PAN2: variants seen among roughly 807,000 people sequenced by gnomAD.
The protein encoded by PAN2 is poly(A) specific ribonuclease subunit PAN2, also known as PAN2-PAN3 deadenylation complex catalytic subunit PAN2.
A neutral mutation model predicts 133.3 loss-of-function variants in PAN2; 68 were observed. That is an observed-to-expected ratio of 0.51 (90% CI 0.42 to 0.62). PAN2 has a LOEUF of 0.62. Among genes scored for constraint, PAN2 ranks in the 20% least tolerant of loss-of-function variants. PAN2 has a pLI of 0.00. For synonymous variants in PAN2, 462 were observed against 544.6 expected (o/e 0.85, Z 2.11); for missense variants, 1,042 against 1,500.5 (o/e 0.69, Z 5.05).
chr12:56,333,262 AGGGTCTTCTAGGTTATG>A, intron 1 of PAN2, 54 bp from the exon 2 acceptor site: 1 of 627,630 alleles, frequency 1.6e-6, no homozygotes, highest in Non-Finnish European at 2.8e-6. Context: ...ACTGGTACTT[AGGGTCTTCTAGGTTATG>A]GGGGCAGGAG....
rs184359353 is a variant in PAN2 at position 56,322,730 on chromosome 12, T to C, written c.2522A>G (p.His841Arg). ...QWGPARAEEE[H>R]GVYVYDLMAT... ...CATCAGGTCATACACATAGACACCA[T>C]GCTCCTCCTCTGCCCTGGCTGGGCC... is the stretch of plus-strand genomic sequence containing the variant. Residue 841 changes from histidine to arginine, a missense_variant, in exon 18 of 26, where the codon CAT becomes CGT. Physicochemically the swap from His to Arg is conservative, Grantham distance 29. Coordinates refer to ENST00000440411, the MANE Select transcript of PAN2 (RefSeq NM_014871.6). 9.2e-5 allele frequency: 148 copies of C among 1,613,814 alleles called. No individual in the cohort carries two copies. The East Asian group carries it at 2.8e-3, about 30-fold the overall frequency.
chr12:56,327,331 T>C, intron 6 of PAN2, 33 bp downstream of exon 6: 1 of 1,603,856 alleles, frequency 6.2e-7, no homozygotes, highest in Non-Finnish European at 8.5e-7. Context: ...TGCTCATCGA[T>C]CCCTCCTACC....
In PAN2 at chr12:56,327,415, A is replaced by C. The variant is rs373684837; in HGVS notation, c.868T>G (p.Leu290Val). ...PLQVHVDPAF[L>V]RFIPTYTSRL... is the part of the protein sequence containing the mutation. ...GAAGTATATGTAGGAATGAAGCGCA[A>C]GAAGGCAGGATCCACATGTACTTGA... is the stretch of plus-strand genomic sequence containing the variant. Residue 290 changes from leucine (L) to valine (V), a missense_variant, in exon 6 of 26, where the codon TTG becomes GTG. By Grantham distance (32) the Leu-to-Val change is conservative (BLOSUM62 1). Coordinates refer to ENST00000440411, the MANE Select transcript of PAN2 (RefSeq NM_014871.6). 6.2e-7 allele frequency: 1 copy of C among 1,614,252 alleles called. No homozygotes were observed. Among genetic ancestry groups the C allele is most frequent in the Non-Finnish European group, 8.5e-7 (1 of 1,180,046 alleles).
chr12:56,329,582 C>T (rs1195603347), intron 2 of PAN2, among the ~76,000 whole-genome samples: 6 of 151,810 alleles, frequency 4.0e-5, no homozygotes, highest in Non-Finnish European at 5.9e-5. Flanking sequence ...CCACCTGCCT[C>T]GGCCTCCCAA....
At chr12:56,332,378 G>A (rs1461486815) in intron 2 of PAN2, among the ~76,000 whole-genome samples, 1 of 152,116 alleles carries the variant, frequency 6.6e-6, no homozygotes, top group South Asian at 2.1e-4. Flanking sequence ...TATGCAGGAG[G>A]ACCATTTGAG....
In PAN2 at chr12:56,326,330, T is replaced by C. The variant is rs774964186; in HGVS notation, c.1342A>G (p.Thr448Ala). The change falls in exon 8 of 26, where the codon ACC (threonine) becomes GCC (alanine). Residue 448 changes from threonine to alanine, a missense_variant. Thr to Ala is a moderately conservative substitution (Grantham distance 58, BLOSUM62 0). Transcript: ENST00000440411. ...GAACACACCTGATTGCGCAGCCTGG[T>C]GCGGGGATTGGGCGCATAGCCAATG... Reference protein sequence around the residue: ...GFIGYAPNPRTRLRNQIPYRL... With the variant: ...GFIGYAPNPRARLRNQIPYRL... The C allele has an allele frequency of 6.2e-7, 1 of 1,602,914 alleles. No individual in the cohort carries two copies. The highest frequency in any genetic ancestry group is 8.5e-7 in the Non-Finnish European group (1 of 1,171,908).
intron 17 of PAN2, 49 bp downstream of exon 17, chr12:56,323,013 C>T: frequency 6.2e-7 from 1 of 1,609,018 alleles, no homozygotes; most frequent in Middle Eastern, 2.0e-4. Context: ...TACCTTCTGC[C>T]CCACCTTCTC....
At chr12:56,317,742 T>C (rs936639672) in intron 25 of PAN2, 99 bp from the exon 26 acceptor site, 4 of 968,712 alleles carry the variant, frequency 4.1e-6, no homozygotes, top group South Asian at 1.3e-5. Context: ...AAAAAGGGCA[T>C]GGACCTTCCC....
chr12:56,324,398 A>G lies in PAN2; in HGVS notation c.1824T>C (p.Asn608=), dbSNP rs770200553. The change falls in exon 12 of 26, where the codon AAT becomes AAC. Residue 608 remains asparagine, a synonymous_variant. Coordinates refer to ENST00000440411, the MANE Select transcript of PAN2 (RefSeq NM_014871.6). ...ADSDEASGKG[N]LARLIQRWNR... ...TCCACCTCTGAATGAGCCTGGCCAG[A>G]TTGCCCTTGCCTGAGGCCTCATCTG... 175 of 1,614,028 alleles carry G rather than the reference A, an allele frequency of 1.1e-4. No homozygotes were observed. The highest frequency in any genetic ancestry group is 1.3e-4 in the Non-Finnish European group (152 of 1,180,020).
intron 2 of PAN2, among the ~76,000 whole-genome samples, chr12:56,330,611 G>A (rs577343213): frequency 2.2e-4 from 33 of 151,580 alleles, no homozygotes; most frequent in South Asian, 1.0e-3. Context: ...CGCCCGCCTC[G>A]GCCTCCCAAA....
Position 56,320,032 on chromosome 12 carries a change from G to A in PAN2, c.2789-11C>T. 1.9e-6 allele frequency: 3 copies of A among 1,613,994 alleles called. No homozygotes were observed. The highest frequency in any genetic ancestry group is 2.5e-6 in the Non-Finnish European group (3 of 1,179,872). ...CAATAGGGTTCTTGACTAGAAGGGAGAATGCAGAGGACACAGGGCTTGGAT... is the reference window on the plus strand; with the variant it reads ...CAATAGGGTTCTTGACTAGAAGGGAAAATGCAGAGGACACAGGGCTTGGAT... On this transcript the variant is annotated splice_polypyrimidine_tract_variant and intron_variant, in intron 20 of 25. Transcript: ENST00000440411.
Position 56,325,437 on chromosome 12 carries a change from C to T in PAN2, c.1377G>A (p.Lys459=), listed in dbSNP as rs1271789939. ...RLRNQIPYRL[K]ESDSEFDSFS... Reference sequence around the variant, plus strand: ...AGCTGTCAAATTCACTGTCTGACTCCTTGAGTCTGTAGGGTATCTAGGGAT... The same window carrying T: ...AGCTGTCAAATTCACTGTCTGACTCTTTGAGTCTGTAGGGTATCTAGGGAT... Residue 459 remains lysine (K), a synonymous_variant, in exon 9 of 26, where the codon AAG becomes AAA. Transcript: ENST00000440411. 2 of 1,614,004 alleles carry T rather than the reference C, an allele frequency of 1.2e-6. No individual in the cohort carries two copies. The highest frequency in any genetic ancestry group is 2.7e-5 in the African/African-American group (2 of 74,924).
At position 56,319,832 on chromosome 12, in the gene PAN2, T is replaced by C; in HGVS notation, c.2946+32A>G. ...AACTCCTAATATCCTCAGCGTTCTC[T>C]TCCAATGCCCCATCCCTTTGGTCTT... On this transcript the variant is annotated intron_variant, in intron 21 of 25. Transcript: ENST00000440411. The surrounding 1 kb of genome is among the most constrained non-coding windows in gnomAD (Gnocchi z 5.4). The C allele has an allele frequency of 6.2e-7, 1 of 1,613,996 alleles. No individual in the cohort carries two copies. The highest frequency in any genetic ancestry group is 1.3e-5 in the African/African-American group (1 of 75,046).
chr12:56,323,511 TTC>T lies in PAN2; in HGVS notation c.2258_2259del (p.Arg753AsnfsTer4), dbSNP rs1319084783. On this transcript the variant is annotated frameshift_variant, in exon 15 of 26. Coordinates refer to ENST00000440411, the MANE Select transcript of PAN2 (RefSeq NM_014871.6). LOFTEE classifies it high-confidence loss of function. ...VNSSKEADFW[R>X]MQAEVAFKMA... ...GTCTGAGTCCTTACCTCAGCCTGCA[TTC>T]TCCAGAAATCAGCCTCTTTTGAGCT... The T allele has an allele frequency of 6.2e-7, 1 of 1,613,960 alleles. No homozygotes were observed. Among genetic ancestry groups the T allele is most frequent in the Non-Finnish European group, 8.5e-7 (1 of 1,179,916 alleles).
In PAN2 at chr12:56,332,817, T is replaced by C. The variant is rs1490907148; in HGVS notation, c.278A>G (p.His93Arg). 6.2e-7 allele frequency: 1 copy of C among 1,614,020 alleles called. No individual in the cohort carries two copies. The highest frequency in any genetic ancestry group is 1.1e-5 in the South Asian group (1 of 91,084). ...LHEEMLWVGS[H>R]GGHATSFFGP... is the part of the protein sequence containing the mutation. Reference sequence around the variant, plus strand: ...ACAAAGGGGTACAGTTCTTACCCCGTGGCTCCCCACCCACAGCATCTCCTC... The same window carrying C: ...ACAAAGGGGTACAGTTCTTACCCCGCGGCTCCCCACCCACAGCATCTCCTC... Residue 93 changes from histidine to arginine, a missense_variant, in exon 2 of 26, where the codon CAC becomes CGC. This residue lies in a region of PAN2 where 908 missense variants were observed against 1,223.5 expected (regional missense o/e 0.74). Coordinates refer to ENST00000440411, the MANE Select transcript of PAN2 (RefSeq NM_014871.6).
intron 2 of PAN2, among the ~76,000 whole-genome samples, chr12:56,330,353 C>CTTT (rs10525866): frequency 0.032 from 2,947 of 92,538 alleles, 65 homozygotes; most frequent in Non-Finnish European, 0.04. Context: ...CTGTATTTTT[C>CTTT]TTTTTTTTTT....
intron 1 of PAN2, 200 bp from the exon 2 acceptor site, chr12:56,333,408 C>T (rs745339305): frequency 2.0e-5 from 8 of 398,916 alleles, no homozygotes; most frequent in Non-Finnish European, 3.3e-5. Flanking sequence ...CTCCGCTAGG[C>T]CCTCTGTACT....
chr12:56,324,237 TA>T, intron 12 of PAN2, 52 bp from the exon 13 acceptor site: 1 of 1,611,252 alleles, frequency 6.2e-7, no homozygotes, highest in South Asian at 1.1e-5. Flanking sequence ...GGAGACCTTT[TA>T]AATCACAGAG....
At position 56,323,860 on chromosome 12, in the gene PAN2, G is replaced by A; in HGVS notation, c.2119C>T (p.Leu707=). 1.2e-6 allele frequency: 2 copies of A among 1,614,144 alleles called. No homozygotes were observed. Among genetic ancestry groups the A allele is most frequent in the Non-Finnish European group, 1.7e-6 (2 of 1,179,960 alleles). The change falls in exon 14 of 26, where the codon CTG becomes TTG. Residue 707 remains leucine, a synonymous_variant. Coordinates refer to ENST00000440411, the MANE Select transcript of PAN2 (RefSeq NM_014871.6). ...FAQVLKRSIC[L]DQNTQAWCDT... ...CACCAGGCCTGTGTATTCTGGTCCAGGCAGATGCTTCGCTTCAGCACCTGA... is the reference window on the plus strand; with the variant it reads ...CACCAGGCCTGTGTATTCTGGTCCAAGCAGATGCTTCGCTTCAGCACCTGA...
Sources: allele counts gnomAD v4.1 joint callset (sites outside exome capture counted in the v4.1 genomes callset), GRCh38; gene constraint gnomAD v4.1.1; regional missense constraint gnomAD v4.1.1; non-coding constraint Gnocchi (gnomAD v3.1); transcripts MANE v1.5; gene names NCBI Gene and HGNC (gene_info 2026-07-23, HGNC 2026-07-21).